DLG2: variants seen among roughly 807,000 people sequenced by gnomAD.
DLG2 encodes discs large MAGUK scaffold protein 2, also known as disks large homolog 2.
In DLG2, 45 loss-of-function variants were observed where a neutral mutation model predicts 132.5. The observed-to-expected ratio is 0.34, with a 90% CI of 0.27 to 0.44. DLG2 has a LOEUF of 0.44. DLG2 is among the 20% of genes least tolerant of loss of function. The pLI is 1.00. For missense variants in DLG2, 1,045 were observed against 1,196.9 expected, an observed-to-expected ratio of 0.87 and a Z score of 1.87; for synonymous variants, 424 against 419.6, an observed-to-expected ratio of 1.01 and a Z score of -0.13.
At chr11:85,068,813 T>C (rs1251693126) in intron 6 of DLG2, among the ~76,000 whole-genome samples, 1 of 152,116 alleles carries the variant, frequency 6.6e-6, no homozygotes, top group Non-Finnish European at 1.5e-5. Flanking sequence ...TTAAAGTTCA[T>C]ATGGAACCAA....
rs557178069 is a variant in DLG2, at chr11:83,547,212, T to C, written c.1941-5354A>G. Among the ~76,000 whole-genome samples, 5 of 152,240 alleles carry C rather than the reference T, an allele frequency of 3.3e-5. No individual in the cohort carries two copies. In the South Asian group the frequency reaches 1.0e-3, roughly 32 times the overall value. ...GATGGAAAGACAGTATCACTAAGAA[T>C]AGGAAAAATTATTTGATGTGTTTCA... On this transcript the variant is annotated intron_variant, in intron 19 of 27. Transcript: ENST00000376104.
intron 11 of DLG2, among the ~76,000 whole-genome samples, chr11:84,024,881 T>G (rs1239159939): frequency 6.6e-6 from 1 of 151,900 alleles, no homozygotes; most frequent in Non-Finnish European, 1.5e-5. Context: ...ATTGTATATT[T>G]CAAAATCTAA....
chr11:84,651,237 C>T (rs568096336), intron 6 of DLG2, among the ~76,000 whole-genome samples: 5 of 152,054 alleles, frequency 3.3e-5, no homozygotes, highest in Non-Finnish European at 7.4e-5. Context: ...CTCAGGCTCA[C>T]TCCTTTTCTT....
In DLG2 at chr11:83,874,477, T is replaced by C. The variant is rs1456798459; in HGVS notation, c.1508A>G (p.His503Arg). 5 of 1,596,908 alleles carry C rather than the reference T, an allele frequency of 3.1e-6. No individual in the cohort carries two copies. The highest frequency in any genetic ancestry group is 1.7e-5 in the Admixed American group (1 of 59,394). Residue 503 changes from histidine (H) to arginine (R), a missense_variant, in exon 16 of 28, where the codon CAT (histidine) becomes CGT (arginine). Physicochemically the swap from His to Arg is conservative, Grantham distance 29. Coordinates refer to ENST00000376104, the MANE Select transcript of DLG2 (RefSeq NM_001142699.3). ...PDSEMTSHSQ[H>R]STATRQPSMT... ...TGAAGGCTGACGAGTTGCGGTGCTA[T>C]GTTGGGAATGACTGCAAGAAAAGAC... is the stretch of plus-strand genomic sequence containing the variant.
At chr11:84,715,003 T>G (rs1326236760) in intron 6 of DLG2, among the ~76,000 whole-genome samples, 2 of 151,924 alleles carry the variant, frequency 1.3e-5, no homozygotes, top group Non-Finnish European at 2.9e-5. Context: ...AGAAGAAAGG[T>G]AGGTTGCTTT....
intron 6 of DLG2, among the ~76,000 whole-genome samples, chr11:84,634,532 G>A (rs2099637356): frequency 2.6e-5 from 4 of 152,094 alleles, no homozygotes; most frequent in Admixed American, 1.3e-4. Flanking sequence ...AAACAATCCA[G>A]CTGTTTCTGC....
chr11:83,724,858 C>A, intron 18 of DLG2: 2 of 702,508 alleles, frequency 2.8e-6, no homozygotes, highest in Non-Finnish European at 5.2e-6. Flanking sequence ...ATTCTCACCA[C>A]AGCTCTTTAG....
intron 8 of DLG2, among the ~76,000 whole-genome samples, chr11:84,208,986 C>T (rs1420991033): frequency 1.3e-5 from 2 of 152,092 alleles, no homozygotes; most frequent in East Asian, 1.9e-4. Flanking sequence ...CTCATATATG[C>T]ACCCAAATTA....
chr11:85,210,790 A>G (rs2082204058), intron 4 of DLG2, among the ~76,000 whole-genome samples: 1 of 152,078 alleles, frequency 6.6e-6, no homozygotes, highest in Non-Finnish European at 1.5e-5. Flanking sequence ...ACTACCCATC[A>G]ACTTAGCTGA....
rs182470822 is a variant in DLG2, at chr11:85,273,876, T to C, written c.186+11344A>G. On this transcript the variant is annotated intron_variant, in intron 4 of 27. Coordinates refer to ENST00000376104, the MANE Select transcript of DLG2 (RefSeq NM_001142699.3). ...AACCCAAATGTCCATCAATGATAGA[T>C]AGGATTAAGAAAATGTGGCACATAT... 5.6e-4 allele frequency among the ~76,000 whole-genome samples: 85 copies of C among 152,204 alleles called. 1 individual carries two copies. Among genetic ancestry groups the C allele is most frequent in the African/African-American group, 1.6e-3 (67 of 41,530 alleles).
chr11:85,345,344 A>G (rs535561046), intron 3 of DLG2, among the ~76,000 whole-genome samples: 79 of 152,262 alleles, frequency 5.2e-4, no homozygotes, highest in African/African-American at 1.5e-3. Context: ...CGACTCCCCA[A>G]TTCAAAAGAA....
At chr11:84,918,057 G>T (rs909231640) in intron 6 of DLG2, among the ~76,000 whole-genome samples, 1 of 152,164 alleles carries the variant, frequency 6.6e-6, no homozygotes, top group African/African-American at 2.4e-5. Flanking sequence ...ACACATCATA[G>T]GATCTAGCAA....
chr11:83,666,865 A>G (rs773824764), intron 18 of DLG2, among the ~76,000 whole-genome samples: 7 of 152,016 alleles, frequency 4.6e-5, no homozygotes, highest in South Asian at 2.1e-4. Context: ...TTCTCATCCA[A>G]CCTCTAAATA....
chr11:85,414,559 A>C (rs2089644801), intron 3 of DLG2, among the ~76,000 whole-genome samples: 1 of 151,960 alleles, frequency 6.6e-6, no homozygotes, highest in Non-Finnish European at 1.5e-5. Flanking sequence ...GTTGAATAGA[A>C]TGTATATTCT....
chr11:85,467,637 G>C (rs1430509920), intron 3 of DLG2, among the ~76,000 whole-genome samples: 1 of 152,162 alleles, frequency 6.6e-6, no homozygotes, highest in Non-Finnish European at 1.5e-5. Context: ...TGTTGAACCA[G>C]CCTTGCATCC....
rs1447303728 is a variant in DLG2, at chr11:83,484,143, G to T, written c.2279C>A (p.Thr760Asn). Reference sequence around the variant, plus strand: ...AATCTACTTACGTTCAGGATCACTGGTTTCCTGCTCACTCTGCTCCTTGTT... The same window carrying T: ...AATCTACTTACGTTCAGGATCACTGTTTTCCTGCTCACTCTGCTCCTTGTT... ...YKNKEQSEQE[T>N]SDPERGQEDL... Residue 760 changes from threonine (T) to asparagine (N), a missense_variant, in exon 22 of 28, where the codon ACC (threonine) becomes AAC (asparagine). Thr to Asn is a moderately conservative substitution (Grantham distance 65). Around this residue, in one of 4 missense-constraint regions of DLG2, gnomAD observed 398 missense variants for 543.6 expected, o/e 0.73. Transcript: ENST00000376104. The T allele has an allele frequency of 1.9e-6, 3 of 1,612,928 alleles. No homozygotes were observed. Among genetic ancestry groups the T allele is most frequent in the Admixed American group, 3.3e-5 (2 of 59,938 alleles).
At chr11:84,784,746 A>C (rs2072562496) in intron 6 of DLG2, among the ~76,000 whole-genome samples, 1 of 152,146 alleles carries the variant, frequency 6.6e-6, no homozygotes, top group East Asian at 1.9e-4. Flanking sequence ...AGCTTGCTCA[A>C]AAAAATGATC....
intron 15 of DLG2, among the ~76,000 whole-genome samples, chr11:83,919,059 G>T (rs2077409486): frequency 6.6e-6 from 1 of 152,102 alleles, no homozygotes; most frequent in Non-Finnish European, 1.5e-5. Context: ...ATTTCTATGG[G>T]AAAACAATAA....
chr11:85,486,796 C>G (rs1033414405), intron 3 of DLG2, among the ~76,000 whole-genome samples: 2 of 151,978 alleles, frequency 1.3e-5, no homozygotes, highest in African/African-American at 4.8e-5. Context: ...CCTGGCCCCC[C>G]CTGCTACTAC....
Sources: gnomAD v4.1 joint callset for allele counts (sites outside exome capture counted in the v4.1 genomes callset) on GRCh38, gnomAD v4.1.1 for gene constraint, gnomAD v4.1.1 regional missense constraint, MANE v1.5 for transcripts, NCBI Gene and HGNC (gene_info 2026-07-23, HGNC 2026-07-21) for gene names.